The following ERI3 variants were observed in gnomAD, a reference collection of about 807,000 sequenced individuals.
ERI3 encodes the protein ERI1 exoribonuclease 3.
ERI3 carries 18 observed loss-of-function variants against 44.4 expected under a neutral mutation model. That is an observed-to-expected ratio of 0.41 (90% CI 0.28 to 0.60). The LOEUF (loss-of-function observed/expected upper bound fraction) is 0.60. Among genes scored for constraint, ERI3 ranks in the 20% least tolerant of loss-of-function variants. ERI3 has a pLI of 0.36. For synonymous variants in ERI3, 183 were observed against 164.8 expected (o/e 1.11, Z -0.84); for missense variants, 294 against 435.5 (o/e 0.68, Z 2.89).
intron 8 of ERI3, among the ~76,000 whole-genome samples, chr1:44,237,084 T>C (rs1270188938): frequency 2.0e-5 from 3 of 152,172 alleles, no homozygotes; most frequent in Non-Finnish European, 4.4e-5. Flanking sequence ...CCCGGGGACT[T>C]GTGAGAAGAC....
intron 5 of ERI3, among the ~76,000 whole-genome samples, chr1:44,312,772 G>A (rs1646001160): frequency 6.6e-6 from 1 of 152,216 alleles, no homozygotes; most frequent in Non-Finnish European, 1.5e-5. Context: ...GTGCTCACAT[G>A]CCACAAGAAG....
chr1:44,234,833 C>A (rs565570882), intron 8 of ERI3, among the ~76,000 whole-genome samples: 3 of 152,102 alleles, frequency 2.0e-5, no homozygotes, highest in Admixed American at 2.0e-4. Flanking sequence ...ATCTCCGCCT[C>A]CCAGGTTCAG....
intron 4 of ERI3, among the ~76,000 whole-genome samples, chr1:44,313,491 T>C (rs1427543327): frequency 6.6e-6 from 1 of 152,200 alleles, no homozygotes; most frequent in African/African-American, 2.4e-5. Context: ...TCACACCTGT[T>C]TCCACAAGGC....
chr1:44,311,024 A>G (rs1645961837), intron 5 of ERI3, among the ~76,000 whole-genome samples: 1 of 146,162 alleles, frequency 6.8e-6, no homozygotes, highest in Admixed American at 6.8e-5. Context: ...CACGTGCAGG[A>G]ATCCATGAAT....
intron 6 of ERI3, among the ~76,000 whole-genome samples, chr1:44,308,062 C>A (rs1202755855): frequency 6.6e-6 from 1 of 152,212 alleles, no homozygotes; most frequent in African/African-American, 2.4e-5. Flanking sequence ...ATCGGAAGGG[C>A]TGTCATGAGC....
At chr1:44,280,824 T>C (rs1290764657) in intron 7 of ERI3, among the ~76,000 whole-genome samples, 1 of 152,236 alleles carries the variant, frequency 6.6e-6, no homozygotes, top group Non-Finnish European at 1.5e-5. Context: ...GTGTGGTCTA[T>C]AGGCTCCTGA....
intron 3 of ERI3, chr1:44,322,876 A>AT (rs762914208): frequency 1.3e-6 from 2 of 1,544,430 alleles, no homozygotes; most frequent in Admixed American, 4.0e-5. Flanking sequence ...CATTTTGAAG[A>AT]TTTTTAGCTG....
At chr1:44,229,525 A>G (rs966083026) in intron 8 of ERI3, among the ~76,000 whole-genome samples, 1 of 152,196 alleles carries the variant, frequency 6.6e-6, no homozygotes, top group African/African-American at 2.4e-5. Flanking sequence ...GATTGGGATC[A>G]GATAAAGAGG....
intron 8 of ERI3, among the ~76,000 whole-genome samples, chr1:44,240,032 C>T (rs1644399524): frequency 6.6e-6 from 1 of 152,264 alleles, no homozygotes; most frequent in Admixed American, 6.5e-5. Context: ...CCCAGCCCTG[C>T]CTGGTGGGAG....
Position 44,346,858 on chromosome 1 carries a change from C to T in ERI3, c.211+5992G>A, listed in dbSNP as rs539941796. Among the ~76,000 whole-genome samples the T allele has an allele frequency of 1.1e-4, 16 of 152,222 alleles. 2 individuals are homozygous for T. The highest frequency in any genetic ancestry group is 3.6e-4 in the African/African-American group (15 of 41,542). On this transcript the variant is annotated intron_variant, in intron 2 of 8. Transcript: ENST00000372257. ...GGATTCAATTCAACCGTGCGATGTA[C>T]AAAAAGTGCTTTGCACAATAGCAAG...
At chr1:44,233,328 A>G (rs1431572325) in intron 8 of ERI3, among the ~76,000 whole-genome samples, 1 of 151,306 alleles carries the variant, frequency 6.6e-6, no homozygotes, top group African/African-American at 2.4e-5. Context: ...CACAGGAGCC[A>G]CACAGAAGCC....
chr1:44,339,791 G>C (rs538297616), intron 2 of ERI3, among the ~76,000 whole-genome samples: 115 of 152,314 alleles, frequency 7.6e-4, no homozygotes, highest in Non-Finnish European at 1.5e-3. Context: ...TCTTTTCTCA[G>C]CTCCACTAGG....
intron 5 of ERI3, among the ~76,000 whole-genome samples, chr1:44,310,963 G>GCGCACGCGCGCGCGCGCACACA (rs1373873768): frequency 8.1e-6 from 1 of 123,200 alleles, no homozygotes; most frequent in African/African-American, 3.2e-5. Flanking sequence ...GCGCGCGCGC[G>GCGCACGCGCGCGCGCGCACACA]CACACACACA....
At chr1:44,260,185 C>T (rs1172401880) in intron 7 of ERI3, among the ~76,000 whole-genome samples, 3 of 152,144 alleles carry the variant, frequency 2.0e-5, no homozygotes, top group African/African-American at 7.2e-5. Flanking sequence ...AGTCCTTTGA[C>T]GGGAAACAGA....
chr1:44,232,326 T>G (rs1182318627), intron 8 of ERI3, among the ~76,000 whole-genome samples: 1 of 152,164 alleles, frequency 6.6e-6, no homozygotes, highest in Non-Finnish European at 1.5e-5. Flanking sequence ...TTTGCTCTCT[T>G]GAAACATTTG....
At chr1:44,325,663 T>C (rs138661334) in intron 3 of ERI3, among the ~76,000 whole-genome samples, 1 of 152,040 alleles carries the variant, frequency 6.6e-6, no homozygotes, top group Non-Finnish European at 1.5e-5. Flanking sequence ...ATAAATTCTG[T>C]TTTTTTGTTT....
At chr1:44,279,778 T>A (rs10890295) in intron 7 of ERI3, among the ~76,000 whole-genome samples, 38,412 of 152,096 alleles carry the variant, frequency 0.25, 4,931 homozygotes, top group Non-Finnish European at 0.26. Context: ...CCAATCACCA[T>A]TTGCTGTTTA....
At chr1:44,294,225 C>T (rs974585227) in intron 6 of ERI3, among the ~76,000 whole-genome samples, 11 of 152,234 alleles carry the variant, frequency 7.2e-5, no homozygotes, top group African/African-American at 2.7e-4. Flanking sequence ...GAAACCAGAA[C>T]ACAGGCAGTG....
intron 6 of ERI3, among the ~76,000 whole-genome samples, chr1:44,289,711 C>T (rs1645465176): frequency 6.6e-6 from 1 of 152,240 alleles, no homozygotes; most frequent in South Asian, 2.1e-4. Context: ...TGATGGCAAA[C>T]AGGTGTGGCT....
Sources: gnomAD v4.1 joint callset for allele counts (sites outside exome capture counted in the v4.1 genomes callset) on GRCh38, gnomAD v4.1.1 for gene constraint, MANE v1.5 for transcripts, NCBI Gene and HGNC (gene_info 2026-07-23, HGNC 2026-07-21) for gene names.